The following MCPH1 variants were observed in gnomAD, a reference collection of about 807,000 sequenced individuals.
MCPH1 encodes microcephalin.
A neutral mutation model predicts 84.5 loss-of-function variants in MCPH1; 104 were observed. The ratio of observed to expected loss-of-function variants is 1.23; its 90% CI spans 1.05 to 1.45. The LOEUF is 1.45. Among genes scored for constraint, MCPH1 ranks in the 40% most tolerant of loss-of-function variants. The pLI is 0.00. For synonymous variants in MCPH1, 514 were observed against 366.8 expected (o/e 1.40, Z -4.58); for missense variants, 1,498 against 1,005.7 (o/e 1.49, Z -6.62).
At chr8:6,447,076 GTCACCTGCCT>G in intron 8 of MCPH1, 6 of 985,450 alleles carry the variant, frequency 6.1e-6, no homozygotes, top group Non-Finnish European at 7.2e-6. Flanking sequence ...ATCTTCTACA[GTCACCTGCCT>G]TCATGCCATT....
At chr8:6,490,155 C>G (rs1026986725) in intron 11 of MCPH1, among the ~76,000 whole-genome samples, 13 of 152,116 alleles carry the variant, frequency 8.5e-5, no homozygotes, top group Non-Finnish European at 1.5e-5. Flanking sequence ...AAGCTTTGAC[C>G]ATACCTCAAG....
chr8:6,446,366 C>G (rs1030860885), intron 8 of MCPH1: 3 of 984,680 alleles, frequency 3.0e-6, no homozygotes, highest in East Asian at 1.1e-4. Flanking sequence ...TTTCTCTGCT[C>G]TACAAATGTT....
At chr8:6,487,546 CTCTTTT>C (rs1254136030) in intron 11 of MCPH1, among the ~76,000 whole-genome samples, 5 of 152,348 alleles carry the variant, frequency 3.3e-5, no homozygotes, top group African/African-American at 9.6e-5. Context: ...AAAAACCATT[CTCTTTT>C]TAACTTTCAG....
chr8:6,445,065 C>T lies in MCPH1; in HGVS notation c.1343C>T (p.Ser448Phe), dbSNP rs1041804036. The T allele has an allele frequency of 9.9e-6, 16 of 1,614,094 alleles. No homozygotes were observed. In the African/African-American group the frequency reaches 1.9e-4, roughly 19 times the overall value. Residue 448 changes from serine to phenylalanine, a missense_variant, in exon 8 of 14, where the codon TCT (serine) becomes TTT (phenylalanine). Physicochemically the swap from Ser to Phe is radical, Grantham distance 155 (BLOSUM62 -2). Coordinates refer to ENST00000344683, the MANE Select transcript of MCPH1 (RefSeq NM_024596.5). ...SPAQLSCRSLSKKERTSIFEM... is the reference protein window; with the variant it reads ...SPAQLSCRSLFKKERTSIFEM... Reference sequence around the variant, plus strand: ...GCTCAGTTGAGCTGCAGAAGTCTTTCTAAGAAGGAGAGAACAAGCATATTT... The same window carrying T: ...GCTCAGTTGAGCTGCAGAAGTCTTTTTAAGAAGGAGAGAACAAGCATATTT...
intron 13 of MCPH1, among the ~76,000 whole-genome samples, chr8:6,630,651 C>T (rs535996522): frequency 5.3e-5 from 8 of 151,794 alleles, no homozygotes; most frequent in Non-Finnish European, 1.0e-4. Flanking sequence ...CATGATGGGG[C>T]ATGCCTGTGA....
In MCPH1 at chr8:6,514,810, G is replaced by C. The variant is rs200615678; in HGVS notation, c.2214+14881G>C. 254 of 1,590,206 alleles carry C rather than the reference G, an allele frequency of 1.6e-4. 1 individual carries two copies. In the African/African-American group the frequency reaches 3.2e-3, roughly 20 times the overall value. On this transcript the variant is annotated intron_variant, in intron 12 of 13. Transcript: ENST00000344683. ...ACAGGAATGCAGGGTATAAGTGACA[G>C]AGCCCCCCCACTCCCCCCTTACGTA...
At chr8:6,508,867 C>T (rs763469780) in intron 12 of MCPH1, 7 of 1,609,476 alleles carry the variant, frequency 4.3e-6, no homozygotes, top group Admixed American at 1.7e-5. Context: ...TCCAAATTGC[C>T]AGCCTTTCCC....
chr8:6,470,716 G>A (rs1472420910), intron 9 of MCPH1, among the ~76,000 whole-genome samples: 2 of 152,252 alleles, frequency 1.3e-5, no homozygotes, highest in East Asian at 1.9e-4. Flanking sequence ...GCCTCCAAAC[G>A]ATGCCCTGCC....
chr8:6,442,115 G>A lies in MCPH1; in HGVS notation c.629G>A (p.Cys210Tyr). The A allele has an allele frequency of 6.2e-7, 1 of 1,613,644 alleles. No individual in the cohort carries two copies. The highest frequency in any genetic ancestry group is 8.5e-7 in the Non-Finnish European group (1 of 1,179,610). The change falls in exon 7 of 14, where the codon TGT becomes TAT. Residue 210 changes from cysteine to tyrosine, a missense_variant. Physicochemically the swap from Cys to Tyr is radical, Grantham distance 194. Coordinates refer to ENST00000344683, the MANE Select transcript of MCPH1 (RefSeq NM_024596.5). The stretch of plus-strand genomic sequence containing the variant: ...CATGATAATCCAAGTAACTCTCTGT[G>A]TGAAGCACCTTTGAACATTTCACGT... ...QSHDNPSNSL[C>Y]EAPLNISRDT... is the part of the protein sequence containing the mutation.
chr8:6,452,757 C>G (rs552934866), intron 8 of MCPH1, among the ~76,000 whole-genome samples: 2 of 152,348 alleles, frequency 1.3e-5, no homozygotes, highest in African/African-American at 4.8e-5. Context: ...GGAAGAAAGC[C>G]TTCACCGGAA....
At chr8:6,565,792 C>T (rs920884645) in intron 12 of MCPH1, among the ~76,000 whole-genome samples, 1 of 152,172 alleles carries the variant, frequency 6.6e-6, no homozygotes, top group Non-Finnish European at 1.5e-5. Context: ...TAAGAGAGAG[C>T]AGTCGGAGCA....
rs961122950 is a variant in MCPH1 at position 6,644,991 on chromosome 8, A to C, written c.*1942A>C. 17 of 152,256 alleles carry C rather than the reference A, an allele frequency of 1.1e-4. No homozygotes were observed. The highest frequency in any genetic ancestry group is 4.1e-4 in the African/African-American group (17 of 41,466). 9.4% of individuals were successfully genotyped at this position (152,256 alleles called of 1,614,324 possible). ...ACAGCAATTGAACTTCAATACAATG[A>C]GTCATTCCTGAGTTCACTCGCTTCA... On this transcript the variant is annotated 3_prime_UTR_variant, in exon 14 of 14. Coordinates refer to ENST00000344683, the MANE Select transcript of MCPH1 (RefSeq NM_024596.5).
At chr8:6,595,145 T>C (rs543122146) in intron 12 of MCPH1, among the ~76,000 whole-genome samples, 3 of 152,098 alleles carry the variant, frequency 2.0e-5, no homozygotes, top group Non-Finnish European at 4.4e-5. Flanking sequence ...GATTGATTGA[T>C]TCAAAAGCAT....
At chr8:6,602,993 G>A (rs1238795540) in intron 12 of MCPH1, among the ~76,000 whole-genome samples, 1 of 152,076 alleles carries the variant, frequency 6.6e-6, no homozygotes, top group South Asian at 2.1e-4. Context: ...CCGTGTGTGT[G>A]TGTGTGGCCG....
chr8:6,432,590 G>A (rs887746061), intron 4 of MCPH1, among the ~76,000 whole-genome samples: 2 of 152,170 alleles, frequency 1.3e-5, no homozygotes, highest in Non-Finnish European at 2.9e-5. Flanking sequence ...CAGCCAGCTT[G>A]TTTTCACATG....
intron 12 of MCPH1, among the ~76,000 whole-genome samples, chr8:6,602,028 G>T (rs1213328516): frequency 6.6e-6 from 1 of 152,226 alleles, no homozygotes; most frequent in Non-Finnish European, 1.5e-5. Flanking sequence ...AGGCTCTGAA[G>T]AATTTTTTCA....
chr8:6,530,124 C>T (rs951891162), intron 12 of MCPH1, among the ~76,000 whole-genome samples: 2 of 152,058 alleles, frequency 1.3e-5, no homozygotes, highest in Admixed American at 6.5e-5. Context: ...ATGAGCTATT[C>T]AATTACCCAT....
chr8:6,508,185 C>G (rs1427283701), intron 12 of MCPH1: 1 of 152,204 alleles, frequency 6.6e-6, no homozygotes, highest in Non-Finnish European at 1.5e-5. Context: ...TGTGGTGGCT[C>G]ACACCTGTAA....
intron 8 of MCPH1, among the ~76,000 whole-genome samples, chr8:6,451,825 G>A (rs922266559): frequency 1.3e-5 from 2 of 152,142 alleles, no homozygotes; most frequent in Non-Finnish European, 2.9e-5. Flanking sequence ...AATGTTAAGT[G>A]TATATTTTTA....
Sources: allele counts gnomAD v4.1 joint callset (sites outside exome capture counted in the v4.1 genomes callset), GRCh38; gene constraint gnomAD v4.1.1; transcripts MANE v1.5; gene names NCBI Gene and HGNC (gene_info 2026-07-23, HGNC 2026-07-21).